Variants in CERT1 observed in about 807,000 individuals in gnomAD.
The protein encoded by CERT1 is ceramide transfer protein.
Under a neutral mutation model 87.9 loss-of-function variants are expected in CERT1, and 31 were observed. That is an observed-to-expected ratio of 0.35 (90% CI 0.27 to 0.48). CERT1 has a LOEUF of 0.48. Ranked by LOEUF, CERT1 falls within the 20% of genes least tolerant of loss-of-function variation. The pLI, the probability that CERT1 is intolerant of heterozygous loss-of-function variation, is 0.99. For synonymous variants in CERT1, 289 were observed against 250.9 expected (o/e 1.15, Z -1.44); for missense variants, 487 against 758.0 (o/e 0.64, Z 4.20).
intron 3 of CERT1, among the ~76,000 whole-genome samples, chr5:75,437,927 A>G (rs1362248462): frequency 6.6e-6 from 1 of 152,120 alleles, no homozygotes; most frequent in Admixed American, 6.6e-5. Flanking sequence ...ATACACACAA[A>G]TACACCTTCA....
chr5:75,458,606 C>T (rs1468681956), intron 3 of CERT1, among the ~76,000 whole-genome samples: 1 of 151,460 alleles, frequency 6.6e-6, no homozygotes, highest in Non-Finnish European at 1.5e-5. Context: ...GGCTGGAGTG[C>T]AGTAGCCCAA....
intron 2 of CERT1, among the ~76,000 whole-genome samples, chr5:75,475,238 G>A (rs2112368614): frequency 6.6e-6 from 1 of 152,234 alleles, no homozygotes; most frequent in Admixed American, 6.5e-5. Flanking sequence ...ATGATAGCCA[G>A]ACATTTCAAT....
At chr5:75,398,347 A>T (rs1258008589) in intron 11 of CERT1, among the ~76,000 whole-genome samples, 39 of 152,306 alleles carry the variant, frequency 2.6e-4, no homozygotes, top group African/African-American at 7.0e-4. Context: ...AGCTCAAAGA[A>T]ATTATGTTAT....
At chr5:75,407,856 CTTT>C (rs758743663) in intron 8 of CERT1, among the ~76,000 whole-genome samples, 5 of 93,562 alleles carry the variant, frequency 5.3e-5, no homozygotes, top group East Asian at 3.0e-4. Flanking sequence ...TGAAGGAATT[CTTT>C]TTTTTTTTTT....
intron 8 of CERT1, among the ~76,000 whole-genome samples, chr5:75,409,811 A>G (rs3846666): frequency 0.35 from 52,080 of 150,556 alleles, 10,693 homozygotes; most frequent in African/African-American, 0.59. Context: ...ACAGGTGTGA[A>G]CCACCGTGCT....
intron 17 of CERT1, chr5:75,371,184 T>C (rs1316294859): frequency 6.6e-6 from 1 of 152,168 alleles, no homozygotes; most frequent in Non-Finnish European, 1.5e-5. Context: ...GATCCAACTT[T>C]ATTGTGTTTA....
At chr5:75,472,689 C>G (rs115972365) in intron 2 of CERT1, among the ~76,000 whole-genome samples, 2,159 of 152,074 alleles carry the variant, frequency 0.014, 44 homozygotes, top group African/African-American at 0.048. Flanking sequence ...AATCATCAGG[C>G]AAATACAAAT....
intron 1 of CERT1, among the ~76,000 whole-genome samples, chr5:75,508,494 C>T (rs1391233449): frequency 6.6e-6 from 1 of 152,140 alleles, no homozygotes; most frequent in Non-Finnish European, 1.5e-5. Flanking sequence ...CTTCAGGACC[C>T]TTTACTCAGT....
intron 2 of CERT1, among the ~76,000 whole-genome samples, chr5:75,465,541 G>T (rs1765421797): frequency 6.6e-6 from 1 of 152,162 alleles, no homozygotes; most frequent in African/African-American, 2.4e-5. Flanking sequence ...AAGAAGAAAA[G>T]GAATTCATTT....
At chr5:75,411,157 T>C in intron 7 of CERT1, 54 bp from the exon 8 acceptor site, 1 of 998,414 alleles carries the variant, frequency 1.0e-6, no homozygotes, top group Non-Finnish European at 1.5e-6. Flanking sequence ...TTAATTACAA[T>C]GAAGTCTTTT....
In CERT1 at chr5:75,408,793, A is replaced by G. The variant is rs1360329353; in HGVS notation, c.930+2218T>C. On this transcript the variant is annotated intron_variant, in intron 8 of 16. Transcript: ENST00000643780. ...ATGTAAAATAAAATAAAAAAAAAAG[A>G]AACATGAATATCTGATAAACATAAT... Among the ~76,000 whole-genome samples the G allele has an allele frequency of 3.9e-5, 6 of 152,294 alleles. No homozygotes were observed. In the South Asian group the frequency reaches 6.2e-4, roughly 16 times the overall value.
chr5:75,409,179 AATTT>A (rs1383674453), intron 8 of CERT1, among the ~76,000 whole-genome samples: 1 of 152,202 alleles, frequency 6.6e-6, no homozygotes, highest in Non-Finnish European at 1.5e-5. Flanking sequence ...ATAGCAAAAT[AATTT>A]GTTTAGTTTC....
At chr5:75,416,390 G>C (rs1171207282) in intron 7 of CERT1, among the ~76,000 whole-genome samples, 2 of 152,132 alleles carry the variant, frequency 1.3e-5, no homozygotes, top group Non-Finnish European at 2.9e-5. Flanking sequence ...CAGTGCTGCA[G>C]TTTAAACAAA....
intron 14 of CERT1, among the ~76,000 whole-genome samples, chr5:75,384,141 A>G (rs1761694989): frequency 6.6e-6 from 1 of 152,154 alleles, no homozygotes; most frequent in South Asian, 2.1e-4. Flanking sequence ...ATTCACTTTC[A>G]TATTTGGTAA....
intron 1 of CERT1, among the ~76,000 whole-genome samples, chr5:75,510,342 T>C (rs1055620661): frequency 3.3e-5 from 5 of 152,052 alleles, no homozygotes; most frequent in Non-Finnish European, 7.4e-5. Context: ...CCACCTGCAG[T>C]CCTATAATGA....
chr5:75,445,327 G>A (rs554223744), intron 3 of CERT1, among the ~76,000 whole-genome samples: 7 of 152,188 alleles, frequency 4.6e-5, no homozygotes, highest in Non-Finnish European at 8.8e-5. Context: ...CAGCTCAGAG[G>A]TATTGTCCAG....
At chr5:75,373,288 T>C (rs573991870), downstream of CERT1, 2 of 152,332 alleles carry the variant, frequency 1.3e-5, no homozygotes, top group East Asian at 1.9e-4. Flanking sequence ...AAACAAGTGA[T>C]ACCATATACT....
chr5:75,381,998 G>A lies in CERT1; in HGVS notation c.1568C>T (p.Pro523Leu). 1 of 1,613,860 alleles carries A rather than the reference G, an allele frequency of 6.2e-7. No homozygotes were observed. The highest frequency in any genetic ancestry group is 8.5e-7 in the Non-Finnish European group (1 of 1,179,884). ...AAAATTACAAACTATCCAAGTTTCA[G>A]GGTCATTTTCAGTCAAGGCTGGTAT... ...RKIPALTEND[P>L]ETWIVCNFSV... The change falls in exon 15 of 17, where the codon CCT becomes CTT. Residue 523 changes from proline to leucine, a missense_variant. By Grantham distance (98) the Pro-to-Leu change is moderately conservative. This residue lies in a region of CERT1 where 147 missense variants were observed against 200.8 expected (regional missense o/e 0.73). Coordinates refer to ENST00000643780, the MANE Select transcript of CERT1 (RefSeq NM_001379029.1).
chr5:75,385,359 G>C (rs1378137971), intron 13 of CERT1, among the ~76,000 whole-genome samples: 1 of 152,176 alleles, frequency 6.6e-6, no homozygotes, highest in Non-Finnish European at 1.5e-5. Context: ...TGTAATCCCA[G>C]TTACTTGGGA....
Sources: allele counts gnomAD v4.1 joint callset (sites outside exome capture counted in the v4.1 genomes callset), GRCh38; gene constraint gnomAD v4.1.1; regional missense constraint gnomAD v4.1.1; transcripts MANE v1.5; gene names NCBI Gene and HGNC (gene_info 2026-07-23, HGNC 2026-07-21).